HSPG2: variants seen among roughly 807,000 people sequenced by gnomAD.
HSPG2 encodes heparan sulfate proteoglycan 2.
In HSPG2, 278 loss-of-function variants were observed where a neutral mutation model predicts 526.6. The ratio of observed to expected loss-of-function variants is 0.53; its 90% confidence interval spans 0.48 to 0.58. HSPG2 has a LOEUF of 0.58. HSPG2 is among the 20% of genes least tolerant of loss of function. The pLI, the probability that HSPG2 is intolerant of heterozygous loss-of-function variation, is 0.00. For missense variants in HSPG2, 5,354 were observed against 6,099.5 expected, an observed-to-expected ratio of 0.88 and a Z score of 4.07; for synonymous variants, 2,465 against 2,555.4, an observed-to-expected ratio of 0.96 and a Z score of 1.07.
In HSPG2 at chr1:21,880,263, A is replaced by G; in HGVS notation, c.2196-9T>C. 1 of 1,614,122 alleles carries G rather than the reference A, an allele frequency of 6.2e-7. No individual in the cohort carries two copies. ...AATAGCCAATGGGGCATCTGTGGGG[A>G]CAGGACCAAAAGAGTCGCTGCAAGG... On this transcript the variant is annotated splice_polypyrimidine_tract_variant and intron_variant, in intron 16 of 96. Transcript: ENST00000374695.
Position 21,865,917 on chromosome 1 carries a change from C to A in HSPG2, c.4222-108G>T. The stretch of plus-strand genomic sequence containing the variant: ...GCGGCCTTTTTGCACCTGTGCCACA[C>A]TCCCCCACCCCCCTCCCTGCCCAAA... On this transcript the variant is annotated intron_variant, in intron 33 of 96. Transcript: ENST00000374695. This position sits in a 1 kb window ranked among gnomAD's most constrained non-coding sequence, Gnocchi z 5.4. The A allele has an allele frequency of 1.2e-6, 1 of 806,140 alleles. No individual in the cohort carries two copies. Among genetic ancestry groups the A allele is most frequent in the Non-Finnish European group, 2.1e-6 (1 of 466,322 alleles). The allele number at this position is 806,140 out of a possible 1,614,324, so 49.9% of individuals were successfully genotyped here. A position where few individuals can be genotyped will look rare whatever the true frequency, so the allele number is the denominator to read the frequency against.
chr1:21,930,227 T>C (rs1188197953), intron 1 of HSPG2, among the ~76,000 whole-genome samples: 2 of 152,196 alleles, frequency 1.3e-5, no homozygotes, highest in African/African-American at 2.4e-5. Flanking sequence ...TCCATTGATA[T>C]CTGCGAGGCT....
intron 50 of HSPG2, 52 bp downstream of exon 50, chr1:21,854,141 C>A: frequency 1.3e-6 from 2 of 1,521,650 alleles, no homozygotes; most frequent in South Asian, 2.5e-5. Context: ...CAGGCATCTT[C>A]CTTGGGAGCT....
Position 21,854,936 on chromosome 1 carries a change from G to A in HSPG2, c.6045C>T (p.Ile2015=). ...GGTAGAAGCCGGCGTCAGCAGTCGT[G>A]ATGGCTGGGATGAGCAGTGTCGCGA... ...TDIATLLIPA[I]TTADAGFYLC... The change falls in exon 48 of 97, where the codon ATC becomes ATT. Residue 2015 remains isoleucine (I), a synonymous_variant. Coordinates refer to ENST00000374695, the MANE Select transcript of HSPG2 (RefSeq NM_005529.7). The A allele has an allele frequency of 6.2e-7, 1 of 1,614,074 alleles. No individual in the cohort carries two copies. The highest frequency in any genetic ancestry group is 8.5e-7 in the Non-Finnish European group (1 of 1,180,040).
chr1:21,891,207 G>A (rs549691779), intron 3 of HSPG2, among the ~76,000 whole-genome samples: 26 of 152,318 alleles, frequency 1.7e-4, no homozygotes, highest in Admixed American at 3.3e-4. Flanking sequence ...ACCTTCCACC[G>A]TGTACTGCAT....
intron 74 of HSPG2, among the ~76,000 whole-genome samples, chr1:21,837,422 A>C (rs572601756): frequency 1.8e-4 from 27 of 150,928 alleles, no homozygotes; most frequent in Middle Eastern, 3.5e-3. Flanking sequence ...CTGAGACTAC[A>C]GGTGCGCCAC....
At chr1:21,892,693 G>A (rs1398159940) in intron 3 of HSPG2, among the ~76,000 whole-genome samples, 3 of 151,930 alleles carry the variant, frequency 2.0e-5, no homozygotes, top group African/African-American at 7.2e-5. Flanking sequence ...TGGCCAACAT[G>A]GTGAAAATAC....
At chr1:21,914,996 C>T (rs544685439) in intron 1 of HSPG2, among the ~76,000 whole-genome samples, 55 of 152,364 alleles carry the variant, frequency 3.6e-4, no homozygotes, top group African/African-American at 1.3e-3. Context: ...GGGTGTCAGA[C>T]GTCCCTCACC....
In HSPG2 at chr1:21,901,449, G is replaced by A. The variant is rs973525844; in HGVS notation, c.64-5139C>T. 8.9e-4 allele frequency among the ~76,000 whole-genome samples: 136 copies of A among 152,060 alleles called. 1 individual carries two copies. The highest frequency in any genetic ancestry group is 2.5e-4 in the Non-Finnish European group (17 of 68,006). ...GTCGCCTCCAGATCTGGGATGAAGG[G>A]AGGAGCCTGGCTGAGTGGGCAGGAC... On this transcript the variant is annotated intron_variant, in intron 1 of 96. Coordinates refer to ENST00000374695, the MANE Select transcript of HSPG2 (RefSeq NM_005529.7).
chr1:21,827,377 G>A, intron 91 of HSPG2, among the ~76,000 whole-genome samples: 1 of 152,086 alleles, frequency 6.6e-6, no homozygotes, highest in East Asian at 1.9e-4. Flanking sequence ...AAGCAGGCTG[G>A]CTCCAAGTCT....
intron 80 of HSPG2, 41 bp downstream of exon 80, chr1:21,833,227 A>G: frequency 6.4e-7 from 1 of 1,550,832 alleles, no homozygotes; most frequent in Non-Finnish European, 8.9e-7. Context: ...AGGTCCCTCA[A>G]CCCAGGCCAG....
chr1:21,930,237 T>C (rs910321120), intron 1 of HSPG2, among the ~76,000 whole-genome samples: 2 of 152,188 alleles, frequency 1.3e-5, no homozygotes, highest in Admixed American at 1.3e-4. Context: ...TCTGCGAGGC[T>C]CACCCGCTCA....
chr1:21,870,748 G>GC (rs1640579723), intron 33 of HSPG2: 1 of 783,512 alleles, frequency 1.3e-6, no homozygotes, highest in Non-Finnish European at 1.5e-6. Context: ...TGGGCACTGC[G>GC]CATCTCCCCA....
At chr1:21,879,741 C>T (rs1641357471) in intron 17 of HSPG2, among the ~76,000 whole-genome samples, 1 of 152,178 alleles carries the variant, frequency 6.6e-6, no homozygotes, top group Admixed American at 6.5e-5. Flanking sequence ...TAACCTCCAC[C>T]TCCCGGGTTC....
intron 1 of HSPG2, among the ~76,000 whole-genome samples, chr1:21,933,632 C>CG (rs1644405501): frequency 6.6e-6 from 1 of 152,228 alleles, no homozygotes; most frequent in Non-Finnish European, 1.5e-5. Context: ...AGAGCAGGCC[C>CG]GGGCCAAGCC....
At position 21,872,658 on chromosome 1, in the gene HSPG2, T is replaced by C; in HGVS notation, c.3991A>G (p.Thr1331Ala). Residue 1331 changes from threonine (T) to alanine (A), a missense_variant, in exon 32 of 97, where the codon ACC (threonine) becomes GCC (alanine). Transcript: ENST00000374695. The surrounding 1 kb of genome is among the most constrained non-coding windows in gnomAD (Gnocchi z 5.5). ...TAGGCAGAGCTGGCGCACTGCTGGG[T>C]GATGCCCATACAGAAGCAGGGCAGG... ...GCLPCFCMGITQQCASSAYTR... is the reference protein window; with the variant it reads ...GCLPCFCMGIAQQCASSAYTR... 1 of 1,599,942 alleles carries C rather than the reference T, an allele frequency of 6.3e-7. No homozygotes were observed. Among genetic ancestry groups the C allele is most frequent in the Non-Finnish European group, 8.5e-7 (1 of 1,174,738 alleles).
chr1:21,898,419 G>A lies in HSPG2; in HGVS notation c.64-2109C>T, dbSNP rs948809404. On this transcript the variant is annotated intron_variant, in intron 1 of 96. Coordinates refer to ENST00000374695, the MANE Select transcript of HSPG2 (RefSeq NM_005529.7). This position sits in a 1 kb window ranked among gnomAD's most constrained non-coding sequence, Gnocchi z 4.0. ...TGAGTGCTGGCCTGTGGACTTCTAG[G>A]CTGTGCCCGTGGGATGCGCATTCAG... Among the ~76,000 whole-genome samples the A allele has an allele frequency of 1.3e-5, 2 of 152,206 alleles. No homozygotes were observed. Among genetic ancestry groups the A allele is most frequent in the Non-Finnish European group, 1.5e-5 (1 of 68,048 alleles).
chr1:21,855,972 A>G, intron 44 of HSPG2, 60 bp from the exon 45 acceptor site: 2 of 1,592,106 alleles, frequency 1.3e-6, no homozygotes. Flanking sequence ...GACTCACACA[A>G]CAGTCCTGCT....
At chr1:21,830,348 G>T in intron 85 of HSPG2, 1 of 537,238 alleles carries the variant, frequency 1.9e-6, no homozygotes, top group South Asian at 2.1e-5. Context: ...GTGTTGGAGG[G>T]GGAGCACCTG....
Sources: gnomAD v4.1 joint callset for allele counts (sites outside exome capture counted in the v4.1 genomes callset) on GRCh38, gnomAD v4.1.1 for gene constraint, Gnocchi (gnomAD v3.1) non-coding constraint, MANE v1.5 for transcripts, NCBI Gene and HGNC (gene_info 2026-07-23, HGNC 2026-07-21) for gene names.